DCP2: variants seen among roughly 807,000 people sequenced by gnomAD.
DCP2 encodes decapping mRNA 2.
A neutral mutation model predicts 56.1 loss-of-function variants in DCP2; 30 were observed. The observed-to-expected ratio is 0.53, with a 90% CI of 0.40 to 0.73. The LOEUF is 0.73. Ranked by LOEUF, DCP2 falls within the 30% of genes least tolerant of loss-of-function variation. DCP2 has a pLI of 0.00. For missense variants in DCP2, 533 were observed against 502.7 expected (o/e 1.06, Z -0.58); for synonymous variants, 197 against 163.3 (o/e 1.21, Z -1.57).
At chr5:112,986,442 C>T (rs186552177) in intron 2 of DCP2, among the ~76,000 whole-genome samples, 3 of 151,894 alleles carry the variant, frequency 2.0e-5, no homozygotes, top group East Asian at 1.9e-4. Context: ...CTTAAGCAAT[C>T]CTCCTCCCTA....
chr5:113,001,505 T>A, intron 6 of DCP2, 36 bp downstream of exon 6: 1 of 1,606,076 alleles, frequency 6.2e-7, no homozygotes, highest in Admixed American at 1.7e-5. Context: ...ACTTTCATGA[T>A]TGGGATAGTC....
At chr5:113,004,534 G>A (rs148737393) in intron 8 of DCP2, among the ~76,000 whole-genome samples, 2 of 152,136 alleles carry the variant, frequency 1.3e-5, no homozygotes, top group South Asian at 2.1e-4. Context: ...CACTGTTAAT[G>A]CACATTTTGG....
Position 113,013,318 on chromosome 5 carries a change from C to G in DCP2, c.1100-3C>G. On this transcript the variant is annotated splice_polypyrimidine_tract_variant and splice_region_variant and intron_variant, in intron 10 of 10. Coordinates refer to ENST00000389063, the MANE Select transcript of DCP2 (RefSeq NM_152624.6). ...TTATTTATTTTGTTTTTTCTTTAAA[C>G]AGATGCTGTATATGACTTGCCTAGC... is the stretch of plus-strand genomic sequence containing the variant. 6.2e-7 allele frequency: 1 copy of G among 1,605,996 alleles called. No homozygotes were observed. Among genetic ancestry groups the G allele is most frequent in the Non-Finnish European group, 8.5e-7 (1 of 1,176,046 alleles).
At chr5:113,008,849 C>CA (rs1749556472) in intron 9 of DCP2, among the ~76,000 whole-genome samples, 1 of 147,400 alleles carries the variant, frequency 6.8e-6, no homozygotes, top group African/African-American at 2.5e-5. Flanking sequence ...AGACAGATAA[C>CA]TTTTTTTTTT....
In DCP2 at chr5:113,001,613, A is replaced by G; in HGVS notation, c.745A>G (p.Ser249Gly). Residue 249 changes from serine (S) to glycine (G), a missense_variant, in exon 7 of 11, where the codon AGT becomes GGT. Ser to Gly is a moderately conservative substitution (Grantham distance 56). This residue lies in a region of DCP2 where 392 missense variants were observed against 346.6 expected (regional missense o/e 1.13). Coordinates refer to ENST00000389063, the MANE Select transcript of DCP2 (RefSeq NM_152624.6). ...TCGAAGATTTGGCGATTCCTCAGAC[A>G]GTGACAATGGATTTTCCTCAACTGG... ...LSRRFGDSSD[S>G]DNGFSSTGST... The G allele has an allele frequency of 1.2e-6, 2 of 1,614,218 alleles. No homozygotes were observed. Among genetic ancestry groups the G allele is most frequent in the Non-Finnish European group, 1.7e-6 (2 of 1,180,030 alleles).
At chr5:112,992,063 T>C (rs926733086) in intron 2 of DCP2, 58 bp from the exon 3 acceptor site, 1 of 1,584,682 alleles carries the variant, frequency 6.3e-7, no homozygotes, top group Non-Finnish European at 8.6e-7. Context: ...TCTCTTTCTG[T>C]ATATAATTTC....
intron 10 of DCP2, among the ~76,000 whole-genome samples, chr5:113,012,282 C>A (rs1356959697): frequency 6.6e-6 from 1 of 152,132 alleles, no homozygotes; most frequent in Non-Finnish European, 1.5e-5. Flanking sequence ...GTCACTTGCG[C>A]CCAGGAGGTT....
chr5:112,993,259 A>G lies in DCP2; in HGVS notation c.432+489A>G, dbSNP rs190569413. ...CCTCTCCCCCACACAAATCTTAACC[A>G]TTTCTGAATTTATCATATTTTCAGT... On this transcript the variant is annotated intron_variant, in intron 4 of 10. Transcript: ENST00000389063. 7.2e-5 allele frequency among the ~76,000 whole-genome samples: 11 copies of G among 152,228 alleles called. No homozygotes were observed. In the East Asian group the frequency reaches 2.1e-3, roughly 29 times the overall value.
chr5:113,005,950 T>C (rs1346153696), intron 8 of DCP2, among the ~76,000 whole-genome samples: 2 of 151,952 alleles, frequency 1.3e-5, no homozygotes, highest in African/African-American at 4.8e-5. Context: ...CTGGGCAGCA[T>C]GTCTCTACTA....
chr5:113,008,155 A>T, intron 9 of DCP2, 113 bp downstream of exon 9: 1 of 870,722 alleles, frequency 1.1e-6, no homozygotes, highest in Non-Finnish European at 1.8e-6. Flanking sequence ...TAATTGATAT[A>T]CTAGTAGGAT....
chr5:112,985,830 G>C lies in DCP2; in HGVS notation c.54-5G>C, dbSNP rs778879543. 6 of 1,592,324 alleles carry C rather than the reference G, an allele frequency of 3.8e-6. No homozygotes were observed. In the African/African-American group the frequency reaches 4.0e-5, roughly 11 times the overall value. On this transcript the variant is annotated splice_region_variant and splice_polypyrimidine_tract_variant and intron_variant, in intron 1 of 10. Coordinates refer to ENST00000389063, the MANE Select transcript of DCP2 (RefSeq NM_152624.6). ...TAATTTTTGTATGTGTTTTGTTTTTGACAGCCGATTTATTTTGCATATTCC... is the reference window on the plus strand; with the variant it reads ...TAATTTTTGTATGTGTTTTGTTTTTCACAGCCGATTTATTTTGCATATTCC...
Position 113,007,952 on chromosome 5 carries a change from G to A in DCP2, c.957G>A (p.Arg319=). Residue 319 remains arginine (R), a synonymous_variant, in exon 9 of 11, where the codon AGG becomes AGA. Transcript: ENST00000389063. ...TGGGAAAACAGAATCAAAGTATGAG[G>A]GGAAATGGCAGAAAACAGTATCAAG... is the stretch of plus-strand genomic sequence containing the variant. ...DLLKGKNQSM[R]GNGRKQYQDS... is the part of the protein sequence containing the mutation. 2 of 1,613,346 alleles carry A rather than the reference G, an allele frequency of 1.2e-6. No individual in the cohort carries two copies. Among genetic ancestry groups the A allele is most frequent in the East Asian group, 2.2e-5 (1 of 44,848 alleles).
At chr5:112,992,077 A>G (rs1421562699) in intron 2 of DCP2, 44 bp from the exon 3 acceptor site, 1 of 1,603,390 alleles carries the variant, frequency 6.2e-7, no homozygotes, top group Non-Finnish European at 8.5e-7. Context: ...TAATTTCTCA[A>G]GCCATATTAA....
At position 113,015,489 on chromosome 5, in the gene DCP2, T is replaced by C. The variant is rs1749849539; in HGVS notation, c.*2005T>C. 2.6e-5 allele frequency: 4 copies of C among 152,728 alleles called. No individual in the cohort carries two copies. In the South Asian group the frequency reaches 8.3e-4, roughly 32 times the overall value. 9.5% of individuals were successfully genotyped at this position (152,728 alleles called of 1,614,324 possible). On this transcript the variant is annotated 3_prime_UTR_variant, in exon 11 of 11. Coordinates refer to ENST00000389063, the MANE Select transcript of DCP2 (RefSeq NM_152624.6). Reference sequence around the variant, plus strand: ...CCAGAAGTATGGCCTCTAATGGTGTTGAGCCTTTTCAAGAACCAACAAATT... The same window carrying C: ...CCAGAAGTATGGCCTCTAATGGTGTCGAGCCTTTTCAAGAACCAACAAATT...
At chr5:113,003,412 T>C (rs1749272139) in intron 7 of DCP2, among the ~76,000 whole-genome samples, 1 of 152,082 alleles carries the variant, frequency 6.6e-6, no homozygotes, top group South Asian at 2.1e-4. Context: ...AACTGACTTG[T>C]GCAGGGTCAA....
intron 10 of DCP2, among the ~76,000 whole-genome samples, chr5:113,012,056 A>T (rs116835267): frequency 6.6e-6 from 1 of 152,310 alleles, no homozygotes; most frequent in African/African-American, 2.4e-5. Context: ...TGGTGGGGAC[A>T]TGTTAGGTGG....
At chr5:112,986,789 C>T (rs544479969) in intron 2 of DCP2, among the ~76,000 whole-genome samples, 1 of 152,134 alleles carries the variant, frequency 6.6e-6, no homozygotes, top group Non-Finnish European at 1.5e-5. Flanking sequence ...TGCCAGAACT[C>T]AGGAGTTTGA....
Position 113,013,544 on chromosome 5 carries a change from T to C in DCP2, c.*60T>C. 6.3e-7 allele frequency: 1 copy of C among 1,583,606 alleles called. No homozygotes were observed. The highest frequency in any genetic ancestry group is 1.7e-5 in the Admixed American group (1 of 58,764). On this transcript the variant is annotated 3_prime_UTR_variant, in exon 11 of 11. Coordinates refer to ENST00000389063, the MANE Select transcript of DCP2 (RefSeq NM_152624.6). ...GAGACCTGTTGAATTTGAGTGGGTG[T>C]CTCCTCAAGCCTTACCTTTCTCAGG...
chr5:113,000,177 C>G (rs187877647), intron 4 of DCP2, among the ~76,000 whole-genome samples: 2 of 151,930 alleles, frequency 1.3e-5, no homozygotes, highest in Non-Finnish European at 2.9e-5. Flanking sequence ...AGAATGGTCT[C>G]GAACACCTGG....
Sources: allele counts gnomAD v4.1 joint callset (sites outside exome capture counted in the v4.1 genomes callset), GRCh38; gene constraint gnomAD v4.1.1; regional missense constraint gnomAD v4.1.1; transcripts MANE v1.5; gene names NCBI Gene and HGNC (gene_info 2026-07-23, HGNC 2026-07-21).